Variants in TTC8 observed in about 807,000 individuals in gnomAD.
The protein encoded by TTC8 is tetratricopeptide repeat domain 8.
Under a neutral mutation model 72.5 loss-of-function variants are expected in TTC8, and 47 were observed. The observed-to-expected ratio is 0.65, with a 90% CI of 0.51 to 0.83. The LOEUF is 0.83. Among genes scored for constraint, TTC8 ranks in the 40% least tolerant of loss-of-function variants. TTC8 has a pLI of 0.00. For synonymous variants in TTC8, 199 were observed against 221.4 expected (o/e 0.90, Z 0.90); for missense variants, 611 against 623.2 (o/e 0.98, Z 0.21).
intron 2 of TTC8, among the ~76,000 whole-genome samples, chr14:88,838,923 A>G (rs2094766009): frequency 1.3e-5 from 2 of 148,286 alleles, no homozygotes; most frequent in South Asian, 4.3e-4. Flanking sequence ...TATTATGGAA[A>G]ATTCCAAAGT....
intron 10 of TTC8, among the ~76,000 whole-genome samples, chr14:88,861,881 A>G (rs1482384497): frequency 6.6e-6 from 1 of 152,150 alleles, no homozygotes; most frequent in East Asian, 1.9e-4. Flanking sequence ...TTATCCATTC[A>G]TCCACTGATG....
At chr14:88,837,940 A>C (rs1025696706) in intron 2 of TTC8, among the ~76,000 whole-genome samples, 1 of 152,038 alleles carries the variant, frequency 6.6e-6, no homozygotes, top group Admixed American at 6.5e-5. Flanking sequence ...TACTCATCTA[A>C]TTGTGTTAAA....
chr14:88,824,217 A>G (rs1375463214), upstream of TTC8: 6 of 157,646 alleles, frequency 3.8e-5, no homozygotes, highest in African/African-American at 7.2e-5. Flanking sequence ...GGTGGATGGT[A>G]CTGTGGAAGC....
At chr14:88,846,535 T>G in intron 7 of TTC8, 1 of 860,892 alleles carries the variant, frequency 1.2e-6, no homozygotes, top group Admixed American at 2.6e-5. Context: ...TGGTGATGAG[T>G]TTAGAAGCTA....
chr14:88,824,595 G>A, upstream of TTC8: 4 of 819,988 alleles, frequency 4.9e-6, no homozygotes, highest in East Asian at 5.4e-5. Context: ...GCACCTCTCG[G>A]ACAAGGCCCC....
chr14:88,831,460 A>T (rs2094725723), intron 1 of TTC8, among the ~76,000 whole-genome samples: 1 of 152,130 alleles, frequency 6.6e-6, no homozygotes, highest in East Asian at 1.9e-4. Context: ...CCAATAAAGG[A>T]TTGCTGTCTA....
intron 3 of TTC8, 66 bp downstream of exon 3, chr14:88,839,638 G>A: frequency 6.5e-7 from 1 of 1,544,412 alleles, no homozygotes. Flanking sequence ...GTGTATAAGA[G>A]GAATATATAT....
Position 88,871,119 on chromosome 14 carries a change from C to T in TTC8, c.1050-430C>T, listed in dbSNP as rs1595986752. 2.0e-5 allele frequency among the ~76,000 whole-genome samples: 3 copies of T among 152,172 alleles called. No individual in the cohort carries two copies. The highest frequency in any genetic ancestry group is 4.4e-5 in the Non-Finnish European group (3 of 68,028). The stretch of plus-strand genomic sequence containing the variant: ...GACACAGCTGAAGCACAAAGTACAG[C>T]GAGCCAAAAACGGGATCCAGTCAGC... On this transcript the variant is annotated intron_variant, in intron 11 of 14. Transcript: ENST00000380656. The surrounding 1 kb of genome is among the most constrained non-coding windows in gnomAD (Gnocchi z 4.1).
At chr14:88,860,059 T>C (rs1231576872) in intron 9 of TTC8, among the ~76,000 whole-genome samples, 1 of 148,848 alleles carries the variant, frequency 6.7e-6, no homozygotes, top group African/African-American at 2.4e-5. Context: ...TTAAAGTTCT[T>C]AATTGTTAAT....
intron 1 of TTC8, 80 bp downstream of exon 1, chr14:88,824,901 G>A (rs2094691795): frequency 7.4e-7 from 1 of 1,346,930 alleles, no homozygotes; most frequent in African/African-American, 1.4e-5. Flanking sequence ...CCCGGGTTGG[G>A]AGGCCGGGGA....
At chr14:88,876,395 G>T (rs1470110434) in intron 14 of TTC8, among the ~76,000 whole-genome samples, 1 of 152,080 alleles carries the variant, frequency 6.6e-6, no homozygotes. Flanking sequence ...TAGATTTTTT[G>T]AGTGTATACA....
downstream of TTC8, chr14:88,880,090 C>T (rs1243683284): frequency 1.3e-5 from 2 of 152,106 alleles, no homozygotes; most frequent in Admixed American, 1.3e-4. Flanking sequence ...TTTAGAAAGG[C>T]TGGCAGGACT....
At position 88,865,719 on chromosome 14, in the gene TTC8, G is replaced by T. The variant is rs2094906600; in HGVS notation, c.910-4340G>T. 9.2e-5 allele frequency among the ~76,000 whole-genome samples: 14 copies of T among 152,078 alleles called. No individual in the cohort carries two copies. In the South Asian group the frequency reaches 2.9e-3, roughly 32 times the overall value. On this transcript the variant is annotated intron_variant, in intron 10 of 14. Transcript: ENST00000380656. ...ATTTAAAAATCTAATTAAAGATTTTGTGTCTACATTTTGTGAATTGGATCA... is the reference window on the plus strand; with the variant it reads ...ATTTAAAAATCTAATTAAAGATTTTTTGTCTACATTTTGTGAATTGGATCA...
At chr14:88,880,901 TTGA>T (rs2094970480), downstream of TTC8, 1 of 152,116 alleles carries the variant, frequency 6.6e-6, no homozygotes, top group Admixed American at 6.6e-5. Context: ...CAAAAAAAAT[TTGA>T]TAACAGAATG....
At position 88,872,433 on chromosome 14, in the gene TTC8, G is replaced by A. The variant is rs746920262; in HGVS notation, c.1328G>A (p.Arg443Gln). 4.2e-5 allele frequency: 68 copies of A among 1,613,786 alleles called. 1 individual carries two copies. The South Asian group carries it at 4.7e-4, about 11-fold the overall frequency. The change falls in exon 13 of 15, where the codon CGG becomes CAG. Residue 443 changes from arginine to glutamine, a missense_variant. Arg to Gln is a conservative substitution (Grantham distance 43, BLOSUM62 1). Coordinates refer to ENST00000380656, the MANE Select transcript of TTC8 (RefSeq NM_144596.4). ...AYNNLAVLEMRKGHVEQARAL... is the reference protein window; with the variant it reads ...AYNNLAVLEMQKGHVEQARAL... ...AACAACCTGGCTGTGCTGGAGATGC[G>A]GAAGGGCCACGTTGAACAGGTCAGT...
chr14:88,877,310 G>T lies in TTC8; in HGVS notation c.1448G>T (p.Arg483Ile), dbSNP rs1433099120. The change falls in exon 15 of 15, where the codon AGA (arginine) becomes ATA (isoleucine). Residue 483 changes from arginine (R) to isoleucine (I), a missense_variant. Arg to Ile is a moderately conservative substitution (Grantham distance 97). Transcript: ENST00000380656. Reference sequence around the variant, plus strand: ...TTTTTGCAGATTGGAGATCTGCAGAGAAGCTATGTTGCTGCGCAGAAGTCT... The same window carrying T: ...TTTTTGCAGATTGGAGATCTGCAGATAAGCTATGTTGCTGCGCAGAAGTCT... Reference protein sequence around the residue: ...TISDKIGDLQRSYVAAQKSEA... With the variant: ...TISDKIGDLQISYVAAQKSEA... The T allele has an allele frequency of 1.5e-5, 25 of 1,613,574 alleles. No individual in the cohort carries two copies. Among genetic ancestry groups the T allele is most frequent in the Non-Finnish European group, 2.1e-5 (25 of 1,179,726 alleles).
chr14:88,838,623 G>A (rs181768657), intron 2 of TTC8, among the ~76,000 whole-genome samples: 74 of 152,160 alleles, frequency 4.9e-4, no homozygotes, highest in African/African-American at 1.8e-3. Context: ...CCTCTATTCT[G>A]TAGTAAAGGA....
intron 7 of TTC8, among the ~76,000 whole-genome samples, chr14:88,844,708 C>T (rs2094798033): frequency 6.6e-6 from 1 of 150,896 alleles, no homozygotes; most frequent in Non-Finnish European, 1.5e-5. Context: ...CCATGCCCAG[C>T]TGATTTTTTT....
chr14:88,867,211 C>T (rs756365278), intron 10 of TTC8, among the ~76,000 whole-genome samples: 48 of 152,010 alleles, frequency 3.2e-4, no homozygotes, highest in Non-Finnish European at 1.9e-4. Context: ...TATTTTCATA[C>T]AAGTGCACAA....
Sources: allele counts gnomAD v4.1 joint callset (sites outside exome capture counted in the v4.1 genomes callset), GRCh38; gene constraint gnomAD v4.1.1; non-coding constraint Gnocchi (gnomAD v3.1); transcripts MANE v1.5; gene names NCBI Gene and HGNC (gene_info 2026-07-23, HGNC 2026-07-21).